Variants in TMEM144 observed in about 807,000 individuals in gnomAD.
The protein encoded by TMEM144 is transmembrane protein 144.
TMEM144 carries 39 observed loss-of-function variants against 43.6 expected under a neutral mutation model. The observed-to-expected ratio is 0.90, with a 90% CI of 0.69 to 1.17. The LOEUF is 1.17. TMEM144 is among the 50% of genes most tolerant of loss of function. TMEM144 has a pLI of 0.00. For synonymous variants in TMEM144, 154 were observed against 133.6 expected, an observed-to-expected ratio of 1.15 and a Z score of -1.06; for missense variants, 417 against 411.9, an observed-to-expected ratio of 1.01 and a Z score of -0.11.
chr4:158,254,853 G>A lies in TMEM144; in HGVS notation c.*1326G>A, dbSNP rs1309211542. On this transcript the variant is annotated 3_prime_UTR_variant, in exon 13 of 13. Coordinates refer to ENST00000296529, the MANE Select transcript of TMEM144 (RefSeq NM_018342.5). ...ACCTCTGCTTCATTTTATTTGTGTG[G>A]CTTTGGACAAGTTCCTAAGCCCTCT... 2 of 152,054 alleles carry A rather than the reference G, an allele frequency of 1.3e-5. No individual in the cohort carries two copies. Among genetic ancestry groups the A allele is most frequent in the Admixed American group, 1.3e-4 (2 of 15,256 alleles). 9.4% of individuals were successfully genotyped at this position (152,054 alleles called of 1,614,324 possible).
intron 9 of TMEM144, among the ~76,000 whole-genome samples, chr4:158,238,407 G>T (rs185788275): frequency 3.4e-4 from 51 of 152,216 alleles, no homozygotes; most frequent in African/African-American, 1.2e-3. Context: ...AGAATGGATA[G>T]ACTGAGTAGA....
chr4:158,250,545 C>T (rs1352163903), intron 12 of TMEM144, among the ~76,000 whole-genome samples: 2 of 152,166 alleles, frequency 1.3e-5, no homozygotes, highest in Non-Finnish European at 2.9e-5. Context: ...CTGTGGGAGC[C>T]CAGTTAGAAC....
chr4:158,217,396 C>G lies in TMEM144; in HGVS notation c.308C>G (p.Ala103Gly), dbSNP rs1395710792. The change falls in exon 5 of 13, where the codon GCC becomes GGC. Residue 103 changes from alanine (A) to glycine (G), a missense_variant. By Grantham distance (60) the Ala-to-Gly change is moderately conservative. Transcript: ENST00000296529. ...LGILIWGSFN[A>G]LTGWASSRFG... is the part of the protein sequence containing the mutation. Reference sequence around the variant, plus strand: ...ATCTTAATCTGGGGATCATTTAATGCCTTAACTGGCTGGGCAAGCTCAAGG... The same window carrying G: ...ATCTTAATCTGGGGATCATTTAATGGCTTAACTGGCTGGGCAAGCTCAAGG... 6.2e-6 allele frequency: 10 copies of G among 1,612,834 alleles called. No individual in the cohort carries two copies. Among genetic ancestry groups the G allele is most frequent in the Non-Finnish European group, 8.5e-6 (10 of 1,179,230 alleles).
rs762476734 is a variant in TMEM144 at position 158,212,686 on chromosome 4, G to C, written c.19G>C (p.Asp7His). The C allele has an allele frequency of 6.2e-7, 1 of 1,613,444 alleles. No individual in the cohort carries two copies. The highest frequency in any genetic ancestry group is 2.2e-5 in the East Asian group (1 of 44,804). The change falls in exon 3 of 13, where the codon GAC becomes CAC. Residue 7 changes from aspartate to histidine, a missense_variant. Asp to His is a moderately conservative substitution (Grantham distance 81). Transcript: ENST00000296529. MSNNGADLTFGYISCFV... is the reference protein window; with the variant it reads MSNNGAHLTFGYISCFV... ...TGGAATCATGAGCAACAATGGAGCA[G>C]ACCTAACCTTTGGTTACATCTCCTG...
chr4:158,254,193 T>C lies in TMEM144; in HGVS notation c.*666T>C, dbSNP rs1736358276. The C allele has an allele frequency of 6.6e-6, 1 of 152,222 alleles. No homozygotes were observed. The highest frequency in any genetic ancestry group is 1.5e-5 in the Non-Finnish European group (1 of 68,092). The allele number at this position is 152,222 out of a possible 1,614,324, so 9.4% of individuals were successfully genotyped here. On this transcript the variant is annotated 3_prime_UTR_variant, in exon 13 of 13. Transcript: ENST00000296529. ...CAAAAATTTTTCATCATTGAGAAAA[T>C]GTGCATAACATAATACATACATACA...
chr4:158,253,668 C>A lies in TMEM144; in HGVS notation c.*141C>A. Reference sequence around the variant, plus strand: ...GTTGGAGTGGGTAAATGATTTTTTTCCCCAAAAATGTGAGAATGAAGGAAG... The same window carrying A: ...GTTGGAGTGGGTAAATGATTTTTTTACCCAAAAATGTGAGAATGAAGGAAG... On this transcript the variant is annotated 3_prime_UTR_variant, in exon 13 of 13. Coordinates refer to ENST00000296529, the MANE Select transcript of TMEM144 (RefSeq NM_018342.5). The A allele has an allele frequency of 1.6e-6, 1 of 635,222 alleles. No individual in the cohort carries two copies. Among genetic ancestry groups the A allele is most frequent in the Admixed American group, 3.4e-5 (1 of 29,760 alleles). The allele number at this position is 635,222 out of a possible 1,614,324, so 39.3% of individuals were successfully genotyped here. A position where few individuals can be genotyped will look rare whatever the true frequency, so the allele number is the denominator to read the frequency against.
chr4:158,216,482 AT>A (rs1313205501), intron 4 of TMEM144, among the ~76,000 whole-genome samples: 1 of 152,160 alleles, frequency 6.6e-6, no homozygotes, highest in Non-Finnish European at 1.5e-5. Context: ...GAACATCCCG[AT>A]GTTTCTACCA....
chr4:158,232,742 T>C (rs776847319), intron 6 of TMEM144, among the ~76,000 whole-genome samples, 159 bp from the exon 7 acceptor site: 25 of 152,212 alleles, frequency 1.6e-4, no homozygotes, highest in Non-Finnish European at 3.5e-4. Context: ...GAATAGGAGT[T>C]CTGGCAAAAC....
intron 9 of TMEM144, among the ~76,000 whole-genome samples, 193 bp from the exon 10 acceptor site, chr4:158,240,106 C>G (rs1167574886): frequency 2.6e-5 from 4 of 152,074 alleles, no homozygotes; most frequent in Admixed American, 6.5e-5. Flanking sequence ...AGGACAGTCT[C>G]GATCTCCTGA....
chr4:158,230,081 A>G (rs1734997286), intron 6 of TMEM144, among the ~76,000 whole-genome samples: 1 of 152,230 alleles, frequency 6.6e-6, no homozygotes, highest in Non-Finnish European at 1.5e-5. Context: ...GAGAATCTGC[A>G]TGGCTCTAGT....
At position 158,255,132 on chromosome 4, in the gene TMEM144, G is replaced by A. The variant is rs1048703113; in HGVS notation, c.*1605G>A. On this transcript the variant is annotated 3_prime_UTR_variant, in exon 13 of 13. Coordinates refer to ENST00000296529, the MANE Select transcript of TMEM144 (RefSeq NM_018342.5). ...CCAAACAATTATTACTCCTCTAAAT[G>A]AATACTACTTAAAAGTGATGGAGCT... The A allele has an allele frequency of 6.6e-6, 1 of 152,038 alleles. No individual in the cohort carries two copies. The highest frequency in any genetic ancestry group is 2.4e-5 in the African/African-American group (1 of 41,414). The allele number at this position is 152,038 out of a possible 1,614,324, so 9.4% of individuals were successfully genotyped here.
chr4:158,230,949 T>C (rs1735048988), intron 6 of TMEM144, among the ~76,000 whole-genome samples: 1 of 152,192 alleles, frequency 6.6e-6, no homozygotes, highest in Non-Finnish European at 1.5e-5. Flanking sequence ...CTGCTTAGAT[T>C]TGAAGATTTG....
intron 12 of TMEM144, among the ~76,000 whole-genome samples, chr4:158,249,890 G>A (rs1383260152): frequency 2.1e-4 from 2 of 9,692 alleles, no homozygotes; most frequent in East Asian, 0.017. Flanking sequence ...ACTGCCAGGT[G>A]TGTGTGTGTG....
At chr4:158,231,112 T>G (rs887978791) in intron 6 of TMEM144, among the ~76,000 whole-genome samples, 2 of 152,336 alleles carry the variant, frequency 1.3e-5, no homozygotes, top group Admixed American at 1.3e-4. Flanking sequence ...CCCTCTGGAA[T>G]GAGGGTCTTA....
At position 158,255,387 on chromosome 4, in the gene TMEM144, G is replaced by A. The variant is rs1037643033; in HGVS notation, c.*1860G>A. The stretch of plus-strand genomic sequence containing the variant: ...TTATATGCAAAATTTTAAATGTGAA[G>A]TAAAGCAGTTTCAGAAGAAAAATGA... On this transcript the variant is annotated 3_prime_UTR_variant, in exon 13 of 13. Coordinates refer to ENST00000296529, the MANE Select transcript of TMEM144 (RefSeq NM_018342.5). 6.6e-6 allele frequency: 1 copy of A among 150,538 alleles called. No individual in the cohort carries two copies. The highest frequency in any genetic ancestry group is 1.9e-4 in the East Asian group (1 of 5,142). The allele number at this position is 150,538 out of a possible 1,614,324, so 9.3% of individuals were successfully genotyped here. A position where few individuals can be genotyped will look rare whatever the true frequency, so the allele number is the denominator to read the frequency against.
intron 6 of TMEM144, among the ~76,000 whole-genome samples, chr4:158,220,232 C>T (rs145301167): frequency 2.6e-3 from 400 of 152,256 alleles, no homozygotes; most frequent in Non-Finnish European, 4.5e-3. Flanking sequence ...AGAGTAGTCC[C>T]AGGCCAATTG....
intron 12 of TMEM144, among the ~76,000 whole-genome samples, chr4:158,251,717 T>A (rs1736214241): frequency 1.3e-5 from 2 of 152,094 alleles, no homozygotes; most frequent in Admixed American, 1.3e-4. Context: ...TAAAAATGAG[T>A]GACACCACAG....
intron 6 of TMEM144, among the ~76,000 whole-genome samples, chr4:158,227,195 G>C (rs980356116): frequency 6.8e-6 from 1 of 146,180 alleles, no homozygotes; most frequent in Non-Finnish European, 1.5e-5. Flanking sequence ...CTGCTTTTTT[G>C]CTTTTTTGAT....
At chr4:158,253,335 A>T in intron 12 of TMEM144, 109 bp from the exon 13 acceptor site, 7 of 852,986 alleles carry the variant, frequency 8.2e-6, no homozygotes, top group Non-Finnish European at 1.3e-5. Flanking sequence ...AAAAAAGGGT[A>T]CAGGCGGCTA....
Sources: gnomAD v4.1 joint callset for allele counts (sites outside exome capture counted in the v4.1 genomes callset) on GRCh38, gnomAD v4.1.1 for gene constraint, MANE v1.5 for transcripts, NCBI Gene and HGNC (gene_info 2026-07-23, HGNC 2026-07-21) for gene names.